CDK19: variants seen among roughly 807,000 people sequenced by gnomAD.
The protein encoded by CDK19 is cyclin dependent kinase 19.
Under a neutral mutation model 68.3 loss-of-function variants are expected in CDK19, and 20 were observed. The ratio of observed to expected loss-of-function variants is 0.29; its 90% CI spans 0.21 to 0.43. CDK19 has a LOEUF of 0.43. Ranked by LOEUF, CDK19 falls within the 20% of genes least tolerant of loss-of-function variation. CDK19 has a pLI of 1.00. For missense variants in CDK19, 339 were observed against 623.5 expected (o/e 0.54, Z 4.86); for synonymous variants, 221 against 222.8 (o/e 0.99, Z 0.07).
chr6:110,754,484 ATT>A (rs11362155), intron 1 of CDK19, among the ~76,000 whole-genome samples: 1 of 146,442 alleles, frequency 6.8e-6, no homozygotes, highest in African/African-American at 2.5e-5. Context: ...AGTTAAACTA[ATT>A]TTTTTTTTTT....
chr6:110,621,247 C>G lies in CDK19; in HGVS notation c.1234G>C (p.Ala412Pro). The G allele has an allele frequency of 6.2e-7, 1 of 1,613,016 alleles. No homozygotes were observed. The highest frequency in any genetic ancestry group is 8.5e-7 in the Non-Finnish European group (1 of 1,179,928). ...CCGGTGCCCCCGACCCCGGCCCCAG[C>G]CCCACCTGCGGTCCCGTTGGTCTGG... ...STQTNGTAGG[A>P]GAGVGGTGAG... The change falls in exon 12 of 13, where the codon GCT becomes CCT. Residue 412 changes from alanine to proline, a missense_variant. By Grantham distance (27) the Ala-to-Pro change is conservative. Around this residue, in one of 4 missense-constraint regions of CDK19, gnomAD observed 155 missense variants for 222.7 expected, o/e 0.70. Transcript: ENST00000368911. This position sits in a 1 kb window ranked among gnomAD's most constrained non-coding sequence, Gnocchi z 5.4.
intron 1 of CDK19, among the ~76,000 whole-genome samples, chr6:110,769,434 A>AC (rs1317834182): frequency 2.6e-5 from 4 of 151,506 alleles, no homozygotes; most frequent in Non-Finnish European, 5.9e-5. Flanking sequence ...GCATAGTGGT[A>AC]CATGCCTGTA....
chr6:110,623,575 T>A, intron 8 of CDK19: 1 of 249,822 alleles, frequency 4.0e-6, no homozygotes, highest in Non-Finnish European at 6.3e-6. Flanking sequence ...TACAATCCCT[T>A]TGGAAAACAG....
At chr6:110,683,674 T>C (rs1184624612) in intron 2 of CDK19, among the ~76,000 whole-genome samples, 1 of 151,736 alleles carries the variant, frequency 6.6e-6, no homozygotes. Context: ...AGAGCATACC[T>C]ATTCTTTTTT....
intron 1 of CDK19, among the ~76,000 whole-genome samples, chr6:110,751,040 T>C (rs1445263994): frequency 6.6e-6 from 1 of 152,086 alleles, no homozygotes; most frequent in East Asian, 1.9e-4. Flanking sequence ...TTCACTATGT[T>C]GCCAGGCTGG....
At chr6:110,653,522 T>G (rs1781108801) in intron 4 of CDK19, among the ~76,000 whole-genome samples, 1 of 152,194 alleles carries the variant, frequency 6.6e-6, no homozygotes, top group Non-Finnish European at 1.5e-5. Context: ...GAACACAAAA[T>G]GCCAGCTGTG....
chr6:110,783,863 GA>G (rs1457753052), intron 1 of CDK19, among the ~76,000 whole-genome samples: 3 of 151,956 alleles, frequency 2.0e-5, no homozygotes, highest in South Asian at 2.1e-4. Flanking sequence ...GAATCATCAA[GA>G]AATTGAAAAG....
At chr6:110,763,954 C>T (rs1254527507) in intron 1 of CDK19, among the ~76,000 whole-genome samples, 1 of 151,974 alleles carries the variant, frequency 6.6e-6, no homozygotes, top group Non-Finnish European at 1.5e-5. Flanking sequence ...TTATTATATA[C>T]CAGCAATAAA....
At chr6:110,764,340 A>T (rs1167381280) in intron 1 of CDK19, among the ~76,000 whole-genome samples, 2 of 152,214 alleles carry the variant, frequency 1.3e-5, no homozygotes, top group African/African-American at 4.8e-5. Context: ...GACTGATACT[A>T]CCCAACTTCA....
intron 1 of CDK19, among the ~76,000 whole-genome samples, chr6:110,784,841 G>T (rs1026299731): frequency 2.6e-4 from 40 of 152,106 alleles, no homozygotes; most frequent in African/African-American, 9.4e-4. Flanking sequence ...CTTTGATTAT[G>T]CTGAGTAAAA....
intron 2 of CDK19, among the ~76,000 whole-genome samples, chr6:110,745,205 TTAA>T (rs994107557): frequency 4.6e-5 from 7 of 152,168 alleles, no homozygotes; most frequent in Admixed American, 6.5e-5. Flanking sequence ...AATGGGGATA[TTAA>T]AATTTTATTT....
chr6:110,684,796 C>T (rs576095912), intron 2 of CDK19, among the ~76,000 whole-genome samples: 1 of 152,186 alleles, frequency 6.6e-6, no homozygotes, highest in African/African-American at 2.4e-5. Flanking sequence ...AGTGTGTTTA[C>T]TATACCTGCA....
chr6:110,696,834 G>A (rs184797576), intron 2 of CDK19, among the ~76,000 whole-genome samples: 124 of 152,176 alleles, frequency 8.1e-4, no homozygotes, highest in African/African-American at 2.9e-4. Flanking sequence ...AGGGTGGGGC[G>A]GATCACTTGA....
intron 2 of CDK19, among the ~76,000 whole-genome samples, chr6:110,743,771 G>C (rs112156318): frequency 6.6e-6 from 1 of 152,042 alleles, no homozygotes; most frequent in Non-Finnish European, 1.5e-5. Context: ...TTTCAAAAAG[G>C]ACATTTATAA....
intron 4 of CDK19, among the ~76,000 whole-genome samples, chr6:110,643,629 T>G (rs1217844449): frequency 1.3e-5 from 2 of 152,168 alleles, no homozygotes; most frequent in Admixed American, 1.3e-4. Context: ...TTCAGGCTCA[T>G]GGAACCCTAC....
chr6:110,688,615 T>A (rs1461771513), intron 2 of CDK19, among the ~76,000 whole-genome samples: 6 of 151,794 alleles, frequency 4.0e-5, no homozygotes, highest in African/African-American at 1.5e-4. Flanking sequence ...AAGATATACA[T>A]CCCCACCAGG....
chr6:110,774,826 G>A (rs1199277125), intron 1 of CDK19, among the ~76,000 whole-genome samples: 1 of 152,200 alleles, frequency 6.6e-6, no homozygotes, highest in Non-Finnish European at 1.5e-5. Context: ...GTGCACACCT[G>A]TAGTCCCAGC....
chr6:110,651,193 C>T (rs1341537924), intron 4 of CDK19, among the ~76,000 whole-genome samples: 5 of 152,144 alleles, frequency 3.3e-5, no homozygotes, highest in Non-Finnish European at 7.4e-5. Context: ...ATATTATCTT[C>T]TGTCTTATCC....
At position 110,621,444 on chromosome 6, in the gene CDK19, CAT is replaced by C. The variant is rs530242015; in HGVS notation, c.1111-76_1111-75del. On this transcript the variant is annotated intron_variant, in intron 11 of 12. Coordinates refer to ENST00000368911, the MANE Select transcript of CDK19 (RefSeq NM_015076.5). The surrounding 1 kb of genome is among the most constrained non-coding windows in gnomAD (Gnocchi z 5.4). ...GCTTTCTTTAATTATTTGATATGCA[CAT>C]GTGGCTGCTGACCAACCTGGGGGAG... 1.4e-6 allele frequency: 2 copies of C among 1,473,042 alleles called. No homozygotes were observed. Among genetic ancestry groups the C allele is most frequent in the South Asian group, 2.7e-5 (2 of 73,424 alleles). The allele number at this position is 1,473,042 out of a possible 1,614,324, so 91.2% of individuals were successfully genotyped here.
Sources: allele counts gnomAD v4.1 joint callset (sites outside exome capture counted in the v4.1 genomes callset), GRCh38; gene constraint gnomAD v4.1.1; regional missense constraint gnomAD v4.1.1; non-coding constraint Gnocchi (gnomAD v3.1); transcripts MANE v1.5; gene names NCBI Gene and HGNC (gene_info 2026-07-23, HGNC 2026-07-21).